The following PTPRD variants were observed in gnomAD, a reference collection of about 807,000 sequenced individuals.
PTPRD encodes the protein protein tyrosine phosphatase receptor type D, also known as receptor-type tyrosine-protein phosphatase delta.
PTPRD carries 34 observed loss-of-function variants against 214.5 expected under a neutral mutation model. The observed-to-expected ratio is 0.16, with a 90% CI of 0.12 to 0.21. The LOEUF (loss-of-function observed/expected upper bound fraction) is 0.21. Ranked by LOEUF, PTPRD falls within the 10% of genes least tolerant of loss-of-function variation. The pLI is 1.00. For synonymous variants in PTPRD, 1,128 were observed against 845.7 expected, an observed-to-expected ratio of 1.33 and a Z score of -5.79; for missense variants, 2,545 against 2,398.7, an observed-to-expected ratio of 1.06 and a Z score of -1.27.
chr9:10,548,728 G>T (rs546018358), intron 2 of PTPRD, among the ~76,000 whole-genome samples: 6 of 68,734 alleles, frequency 8.7e-5, no homozygotes, highest in African/African-American at 3.1e-4. Context: ...TTTGCCACTA[G>T]ATTAACTTTG....
intron 6 of PTPRD, among the ~76,000 whole-genome samples, chr9:9,742,761 A>G (rs1262104573): frequency 1.3e-5 from 2 of 152,208 alleles, no homozygotes; most frequent in Non-Finnish European, 2.9e-5. Flanking sequence ...TGTTATAAAT[A>G]TCAACTCTTT....
chr9:9,538,595 A>T (rs960570837), intron 8 of PTPRD, among the ~76,000 whole-genome samples: 16 of 151,960 alleles, frequency 1.1e-4, no homozygotes, highest in African/African-American at 3.9e-4. Flanking sequence ...GCTATGCTGC[A>T]TACTGCAGAA....
intron 20 of PTPRD, among the ~76,000 whole-genome samples, chr9:8,518,700 C>G (rs1308848598): frequency 6.6e-6 from 1 of 152,146 alleles, no homozygotes; most frequent in Non-Finnish European, 1.5e-5. Flanking sequence ...ATCCTGCACG[C>G]ATTTCTTAAC....
chr9:8,881,924 G>A (rs1411628942), intron 11 of PTPRD, among the ~76,000 whole-genome samples: 1 of 152,224 alleles, frequency 6.6e-6, no homozygotes, highest in African/African-American at 2.4e-5. Context: ...GGAGAAGGAA[G>A]GTGCCATTTA....
intron 8 of PTPRD, 113 bp downstream of exon 8, chr9:9,574,619 G>A (rs998681779): frequency 1.3e-5 from 2 of 151,676 alleles, no homozygotes; most frequent in Non-Finnish European, 2.9e-5. Flanking sequence ...CAACATTTAT[G>A]GTTAAATATC....
intron 44 of PTPRD, among the ~76,000 whole-genome samples, chr9:8,322,857 T>A (rs1829808788): frequency 6.6e-6 from 1 of 152,188 alleles, no homozygotes; most frequent in African/African-American, 2.4e-5. Context: ...ACAGGCTGAC[T>A]CTCTTGTTAG....
intron 10 of PTPRD, among the ~76,000 whole-genome samples, chr9:9,162,286 G>A (rs1041767930): frequency 2.0e-5 from 3 of 152,134 alleles, no homozygotes; most frequent in Non-Finnish European, 4.4e-5. Flanking sequence ...CAGTGCCTGA[G>A]AATCCTATTA....
chr9:10,178,242 T>A (rs1286561715), intron 3 of PTPRD, among the ~76,000 whole-genome samples: 2 of 151,944 alleles, frequency 1.3e-5, no homozygotes, highest in Non-Finnish European at 2.9e-5. Context: ...GAGTTTTCCC[T>A]AAGTTTCCAT....
intron 11 of PTPRD, among the ~76,000 whole-genome samples, chr9:8,999,991 A>G (rs1262160291): frequency 2.6e-5 from 4 of 152,018 alleles, no homozygotes; most frequent in Non-Finnish European, 4.4e-5. Flanking sequence ...CTGATCAGAC[A>G]TATTAGTTTC....
intron 7 of PTPRD, among the ~76,000 whole-genome samples, chr9:9,683,443 T>C (rs7039700): frequency 0.36 from 54,913 of 151,452 alleles, 10,382 homozygotes; most frequent in Admixed American, 0.5. Context: ...TGAGGAGATA[T>C]AATAATCCAG....
intron 21 of PTPRD, among the ~76,000 whole-genome samples, chr9:8,511,117 G>A (rs1392903432): frequency 6.6e-6 from 1 of 152,016 alleles, no homozygotes; most frequent in Non-Finnish European, 1.5e-5. Context: ...CACCCAGGCT[G>A]GAGTGCAATG....
Position 8,733,814 on chromosome 9 carries a change from C to T in PTPRD, c.30G>A (p.Leu10=), listed in dbSNP as rs1037836480. 1.3e-6 allele frequency: 2 copies of T among 1,552,326 alleles called. No individual in the cohort carries two copies. The highest frequency in any genetic ancestry group is 1.7e-6 in the Non-Finnish European group (2 of 1,147,392). MVHVARLLL[L]LLTFFLRTDA... ...CCGTGCGGAGGAAGAAAGTGAGGAGCAGCAGCAGCAGCCTGGCTACGTGCA... is the reference window on the plus strand; with the variant it reads ...CCGTGCGGAGGAAGAAAGTGAGGAGTAGCAGCAGCAGCCTGGCTACGTGCA... The change falls in exon 12 of 46, where the codon CTG becomes CTA. Residue 10 remains leucine (L), a synonymous_variant. Coordinates refer to ENST00000381196, the MANE Select transcript of PTPRD (RefSeq NM_002839.4).
chr9:10,527,801 T>A (rs1414614708), intron 2 of PTPRD, among the ~76,000 whole-genome samples: 1 of 152,150 alleles, frequency 6.6e-6, no homozygotes, highest in Non-Finnish European at 1.5e-5. Flanking sequence ...TCTTTAGCAA[T>A]AATTACTTAT....
chr9:9,676,681 A>G (rs1048572406), intron 7 of PTPRD, among the ~76,000 whole-genome samples: 2 of 152,146 alleles, frequency 1.3e-5, no homozygotes, highest in African/African-American at 4.8e-5. Context: ...TTCTAGTTCT[A>G]GATCCCTGAG....
intron 4 of PTPRD, among the ~76,000 whole-genome samples, chr9:9,940,599 GTTAAA>G (rs1253244616): frequency 6.6e-6 from 1 of 152,018 alleles, no homozygotes; most frequent in African/African-American, 2.4e-5. Context: ...TCTGAGTTTT[GTTAAA>G]TTAAATCGCA....
At chr9:10,330,640 G>GT (rs140542513) in intron 3 of PTPRD, among the ~76,000 whole-genome samples, 6,787 of 151,886 alleles carry the variant, frequency 0.045, 216 homozygotes, top group Non-Finnish European at 0.067. Context: ...ATGGTTTGAA[G>GT]TAAGATTTGG....
intron 39 of PTPRD, among the ~76,000 whole-genome samples, chr9:8,361,212 C>G (rs1160604435): frequency 6.6e-6 from 1 of 152,126 alleles, no homozygotes; most frequent in Admixed American, 6.6e-5. Flanking sequence ...CATTTTAAAT[C>G]TAGCTCTGCT....
chr9:8,865,316 G>A (rs1222033778), intron 11 of PTPRD, among the ~76,000 whole-genome samples: 1 of 152,126 alleles, frequency 6.6e-6, no homozygotes, highest in African/African-American at 2.4e-5. Flanking sequence ...TCAATGTAAT[G>A]TTTTCACAGT....
intron 9 of PTPRD, among the ~76,000 whole-genome samples, chr9:9,228,195 G>A (rs1004272403): frequency 2.0e-5 from 3 of 152,000 alleles, no homozygotes; most frequent in African/African-American, 4.8e-5. Context: ...TATAACCCCT[G>A]TGCTTCAATG....
Sources: allele counts gnomAD v4.1 joint callset (sites outside exome capture counted in the v4.1 genomes callset), GRCh38; gene constraint gnomAD v4.1.1; transcripts MANE v1.5; gene names NCBI Gene and HGNC (gene_info 2026-07-23, HGNC 2026-07-21).